TENM2: variants seen among roughly 807,000 people sequenced by gnomAD.
TENM2 encodes teneurin-2.
In TENM2, 52 loss-of-function variants were observed where a neutral mutation model predicts 245.2. That is an observed-to-expected ratio of 0.21 (90% CI 0.17 to 0.27). The LOEUF is 0.27. Ranked by LOEUF, TENM2 falls within the 10% of genes least tolerant of loss-of-function variation. TENM2 has a pLI of 1.00. For synonymous variants in TENM2, 1,363 were observed against 1,438.9 expected, an observed-to-expected ratio of 0.95 and a Z score of 1.19; for missense variants, 3,046 against 3,666.8, an observed-to-expected ratio of 0.83 and a Z score of 4.37.
Position 167,875,968 on chromosome 5 carries a change from CT to C in TENM2, c.503-17del. 1 of 1,544,192 alleles carries C rather than the reference CT, an allele frequency of 6.5e-7. No homozygotes were observed. Among genetic ancestry groups the C allele is most frequent in the Non-Finnish European group, 8.8e-7 (1 of 1,141,568 alleles). On this transcript the variant is annotated splice_polypyrimidine_tract_variant and intron_variant, in intron 2 of 28. Coordinates refer to ENST00000518659, the Ensembl canonical transcript of TENM2. ...GACACTCATTGCTGACCTTTGACCC[CT>C]CTGTCCTCTTTCCCAGGTCGTCCCA...
chr5:167,198,108 A>G, the TENM2 span, among the ~76,000 whole-genome samples: 1 of 152,112 alleles, frequency 6.6e-6, no homozygotes, highest in East Asian at 1.9e-4. Context: ...GGGACAGAGC[A>G]GGGAGAATTC....
At chr5:167,971,260 GAGAGAA>G (rs1189257762) in intron 4 of TENM2, among the ~76,000 whole-genome samples, 14 of 118,318 alleles carry the variant, frequency 1.2e-4, no homozygotes, top group East Asian at 7.3e-4. Flanking sequence ...CAGAGAGAGA[GAGAGAA>G]AGAAAGGGGA....
At chr5:167,779,789 C>T (rs554311134) in intron 2 of TENM2, among the ~76,000 whole-genome samples, 1 of 152,354 alleles carries the variant, frequency 6.6e-6, no homozygotes, top group South Asian at 2.1e-4. Context: ...GCATTGCAAT[C>T]ATCTCCTATG....
At chr5:167,681,315 A>T (rs1454927871) in intron 2 of TENM2, among the ~76,000 whole-genome samples, 5 of 152,136 alleles carry the variant, frequency 3.3e-5, no homozygotes, top group Non-Finnish European at 5.9e-5. Context: ...TTTTCCTAAT[A>T]GCATATCATG....
chr5:167,300,395 G>A (rs142952064), intron 1 of TENM2, among the ~76,000 whole-genome samples: 2 of 152,286 alleles, frequency 1.3e-5, no homozygotes, highest in East Asian at 1.9e-4. Flanking sequence ...ACAGAATAAT[G>A]CGTTGTAGAG....
Position 168,214,284 on chromosome 5 carries a change from T to C in TENM2, c.3846-756T>C, listed in dbSNP as rs997772757. On this transcript the variant is annotated intron_variant, in intron 20 of 28. Coordinates refer to ENST00000518659, the Ensembl canonical transcript of TENM2. ...GCCCAGGTCTCAGAGGCTCACGCCTTCCTAATACACTTCACACACACACAA... is the reference window on the plus strand; with the variant it reads ...GCCCAGGTCTCAGAGGCTCACGCCTCCCTAATACACTTCACACACACACAA... Among the ~76,000 whole-genome samples, 5 of 152,096 alleles carry C rather than the reference T, an allele frequency of 3.3e-5. No homozygotes were observed. The East Asian group carries it at 9.6e-4, about 29-fold the overall frequency.
At chr5:167,038,923 A>G in the TENM2 span, among the ~76,000 whole-genome samples, 3 of 152,184 alleles carry the variant, frequency 2.0e-5, no homozygotes, top group Non-Finnish European at 2.9e-5. Flanking sequence ...GAAATTCAGT[A>G]AGAAATGTAA....
At chr5:167,035,284 A>T in the TENM2 span, among the ~76,000 whole-genome samples, 3 of 152,198 alleles carry the variant, frequency 2.0e-5, no homozygotes, top group Admixed American at 2.0e-4. Context: ...ATGAATTTTC[A>T]TGAGTCAATA....
chr5:167,998,725 A>G (rs1784230146), intron 5 of TENM2, among the ~76,000 whole-genome samples: 1 of 152,170 alleles, frequency 6.6e-6, no homozygotes, highest in African/African-American at 2.4e-5. Flanking sequence ...TTTTCACTAC[A>G]GTAATTCCTG....
intron 2 of TENM2, among the ~76,000 whole-genome samples, chr5:167,431,377 G>A (rs943811526): frequency 1.3e-5 from 2 of 152,092 alleles, no homozygotes; most frequent in African/African-American, 4.8e-5. Flanking sequence ...TTTTTAGAAT[G>A]TTAAAGCTGG....
chr5:167,646,105 C>A (rs944799228), intron 2 of TENM2, among the ~76,000 whole-genome samples: 1 of 148,908 alleles, frequency 6.7e-6, no homozygotes. Flanking sequence ...TATATATACA[C>A]ACACACATAT....
intron 7 of TENM2, among the ~76,000 whole-genome samples, chr5:168,076,494 G>A (rs1444056630): frequency 1.3e-5 from 2 of 151,958 alleles, no homozygotes; most frequent in Non-Finnish European, 2.9e-5. Context: ...AAAGTGCTGG[G>A]ATTACCGGCG....
chr5:167,699,362 G>C (rs1179802867), intron 2 of TENM2, among the ~76,000 whole-genome samples: 2 of 151,974 alleles, frequency 1.3e-5, no homozygotes, highest in Non-Finnish European at 2.9e-5. Context: ...GAAGGCCAGA[G>C]GTTTAGTGTC....
intron 2 of TENM2, among the ~76,000 whole-genome samples, chr5:167,389,223 T>C (rs1316201683): frequency 6.7e-6 from 1 of 148,756 alleles, no homozygotes; most frequent in Non-Finnish European, 1.5e-5. Flanking sequence ...GCAAAGCATA[T>C]GTGCGTATAT....
intron 3 of TENM2, among the ~76,000 whole-genome samples, chr5:167,929,085 G>GA (rs1197958492): frequency 1.3e-5 from 1 of 77,112 alleles, no homozygotes; most frequent in African/African-American, 5.6e-5. Context: ...AAGAAAGAAA[G>GA]AAAGAAAGAA....
At chr5:167,714,061 C>G (rs1397378987) in intron 2 of TENM2, among the ~76,000 whole-genome samples, 1 of 152,176 alleles carries the variant, frequency 6.6e-6, no homozygotes, top group African/African-American at 2.4e-5. Context: ...AAGTGAGGGT[C>G]ACCTCAGCCT....
chr5:167,248,568 C>A, the TENM2 span, among the ~76,000 whole-genome samples: 1 of 152,056 alleles, frequency 6.6e-6, no homozygotes, highest in Non-Finnish European at 1.5e-5. Flanking sequence ...AGCTGAACAT[C>A]CCCCGGGGGG....
chr5:168,111,945 G>A (rs1331815580), intron 9 of TENM2, among the ~76,000 whole-genome samples: 1 of 152,118 alleles, frequency 6.6e-6, no homozygotes, highest in East Asian at 1.9e-4. Context: ...TAATTTGCTA[G>A]AGTTCTTTGC....
chr5:167,368,131 A>G (rs898765653), intron 1 of TENM2, among the ~76,000 whole-genome samples: 8 of 152,204 alleles, frequency 5.3e-5, no homozygotes, highest in Admixed American at 1.3e-4. Context: ...TTCAAATTAA[A>G]TAGTAAAAAT....
Sources: gnomAD v4.1 joint callset for allele counts (sites outside exome capture counted in the v4.1 genomes callset) on GRCh38, gnomAD v4.1.1 for gene constraint, MANE v1.5 for transcripts, NCBI Gene and HGNC (gene_info 2026-07-23, HGNC 2026-07-21) for gene names.